Variants in TGFBR3 observed in about 807,000 individuals in gnomAD.
The protein encoded by TGFBR3 is transforming growth factor beta receptor 3, also known as transforming growth factor beta receptor type 3.
A neutral mutation model predicts 87.9 loss-of-function variants in TGFBR3; 46 were observed. The observed-to-expected ratio is 0.52, with a 90% CI of 0.41 to 0.67. TGFBR3 has a LOEUF of 0.67. Among genes scored for constraint, TGFBR3 ranks in the 30% least tolerant of loss-of-function variants. The pLI, the probability that TGFBR3 is intolerant of heterozygous loss-of-function variation, is 0.00. For missense variants in TGFBR3, 866 were observed against 1,041.9 expected (o/e 0.83, Z 2.32); for synonymous variants, 381 against 391.6 (o/e 0.97, Z 0.32).
intron 3 of TGFBR3, among the ~76,000 whole-genome samples, chr1:91,783,867 A>G (rs1674863289): frequency 6.6e-6 from 1 of 152,206 alleles, no homozygotes; most frequent in Admixed American, 6.5e-5. Flanking sequence ...TCTTTCAGTT[A>G]GAGGAATCAA....
intron 5 of TGFBR3, among the ~76,000 whole-genome samples, chr1:91,732,120 G>A (rs11578802): frequency 0.62 from 94,830 of 151,894 alleles, 30,548 homozygotes; most frequent in South Asian, 0.82. Flanking sequence ...AAATGACTTT[G>A]AGACACAGAA....
intron 2 of TGFBR3, among the ~76,000 whole-genome samples, chr1:91,835,998 AGCACTCTG>A (rs1677049158): frequency 6.6e-6 from 1 of 152,166 alleles, no homozygotes; most frequent in African/African-American, 2.4e-5. Context: ...CCGTAATCCC[AGCACTCTG>A]GGAGGCCAAG....
intron 2 of TGFBR3, among the ~76,000 whole-genome samples, chr1:91,844,356 T>A (rs1258274041): frequency 6.6e-6 from 1 of 152,210 alleles, no homozygotes; most frequent in Admixed American, 6.5e-5. Flanking sequence ...AAACAGAGGT[T>A]CTTAAACATA....
intron 2 of TGFBR3, among the ~76,000 whole-genome samples, chr1:91,837,506 C>T (rs911640037): frequency 6.6e-6 from 1 of 152,148 alleles, no homozygotes; most frequent in Non-Finnish European, 1.5e-5. Context: ...TCTCAAAGTG[C>T]TGGGATTACA....
chr1:91,809,476 C>G (rs963582821), intron 2 of TGFBR3, among the ~76,000 whole-genome samples: 4 of 152,134 alleles, frequency 2.6e-5, no homozygotes, highest in Non-Finnish European at 5.9e-5. Context: ...AGGGGGAAAC[C>G]ACAACTGCTG....
At chr1:91,761,819 C>G (rs1196126660) in intron 3 of TGFBR3, among the ~76,000 whole-genome samples, 1 of 151,882 alleles carries the variant, frequency 6.6e-6, no homozygotes, top group Non-Finnish European at 1.5e-5. Context: ...TCAATTATAG[C>G]TCAGGGTAGA....
At chr1:91,777,130 G>GC (rs1410150589) in intron 3 of TGFBR3, among the ~76,000 whole-genome samples, 2 of 152,224 alleles carry the variant, frequency 1.3e-5, no homozygotes, top group African/African-American at 4.8e-5. Context: ...GCAAGGAACT[G>GC]CTTCCAAGGC....
intron 1 of TGFBR3, among the ~76,000 whole-genome samples, chr1:91,870,016 A>G (rs564905095): frequency 6.6e-6 from 1 of 152,374 alleles, no homozygotes; most frequent in South Asian, 2.1e-4. Flanking sequence ...GAAAAGTGTT[A>G]TCCAAGAAAA....
chr1:91,732,582 T>C (rs1430343487), intron 5 of TGFBR3, among the ~76,000 whole-genome samples: 1 of 152,194 alleles, frequency 6.6e-6, no homozygotes, highest in Non-Finnish European at 1.5e-5. Flanking sequence ...TGAAGCTTGC[T>C]CAGTGCAGTC....
chr1:91,683,793 G>A lies in TGFBR3; in HGVS notation c.2502C>T (p.Ala834=). Residue 834 remains alanine (A), a synonymous_variant, in exon 17 of 17, where the codon GCC becomes GCT. Transcript: ENST00000212355. ...SPPASENSSA[A]HSIGSTQSTP... ...TGCTCTGCGTGCTGCCGATGCTGTGGGCAGCACTGCTGTTTTCCGAGGCTG... is the reference window on the plus strand; with the variant it reads ...TGCTCTGCGTGCTGCCGATGCTGTGAGCAGCACTGCTGTTTTCCGAGGCTG... 4 of 1,607,960 alleles carry A rather than the reference G, an allele frequency of 2.5e-6. No individual in the cohort carries two copies. The highest frequency in any genetic ancestry group is 3.4e-6 in the Non-Finnish European group (4 of 1,178,000).
intron 2 of TGFBR3, among the ~76,000 whole-genome samples, chr1:91,898,198 C>T (rs1355827448): frequency 6.6e-6 from 1 of 152,136 alleles, no homozygotes; most frequent in Non-Finnish European, 1.5e-5. Flanking sequence ...GAGGTAACCA[C>T]TTTCAGGAAT....
chr1:91,722,988 A>G (rs1286911767), intron 7 of TGFBR3, among the ~76,000 whole-genome samples: 2 of 152,220 alleles, frequency 1.3e-5, no homozygotes, highest in East Asian at 3.8e-4. Context: ...ATAAACTATT[A>G]AATTCCACAT....
chr1:91,720,292 T>C lies in TGFBR3; in HGVS notation c.1076-62A>G, dbSNP rs1251028606. 1.9e-5 allele frequency: 27 copies of C among 1,458,654 alleles called. No individual in the cohort carries two copies. The East Asian group carries it at 6.2e-4, about 33-fold the overall frequency. 90.4% of individuals were successfully genotyped at this position (1,458,654 alleles called of 1,614,324 possible). A position where few individuals can be genotyped will look rare whatever the true frequency, so the allele number is the denominator to read the frequency against. On this transcript the variant is annotated intron_variant, in intron 8 of 16. Transcript: ENST00000212355. ...GATGCCAGGCCACAACCAACATCAT[T>C]ACAGGCAGAACAGGAGGAATTAGCA...
intron 5 of TGFBR3, among the ~76,000 whole-genome samples, chr1:91,733,952 T>C (rs12074859): frequency 0.63 from 94,561 of 150,726 alleles, 30,555 homozygotes; most frequent in South Asian, 0.82. Context: ...GGAGAATCAC[T>C]TGAGCCCTGC....
intron 4 of TGFBR3, among the ~76,000 whole-genome samples, chr1:91,738,851 T>A (rs1423424290): frequency 2.0e-5 from 3 of 152,040 alleles, no homozygotes; most frequent in Non-Finnish European, 4.4e-5. Context: ...ACAGAAAAAA[T>A]TCCCTGCCCT....
intron 4 of TGFBR3, among the ~76,000 whole-genome samples, chr1:91,747,698 C>T (rs28406383): frequency 0.16 from 23,907 of 152,118 alleles, 2,008 homozygotes; most frequent in East Asian, 0.25. Flanking sequence ...ATTTTGTAGA[C>T]GCAATTAAAC....
chr1:91,704,176 G>C (rs139979168), intron 14 of TGFBR3, among the ~76,000 whole-genome samples: 3,752 of 151,606 alleles, frequency 0.025, 141 homozygotes, highest in African/African-American at 0.085. Flanking sequence ...AAAAATACAA[G>C]AATTAGCTGG....
chr1:91,727,228 C>T (rs1672581633), intron 7 of TGFBR3, among the ~76,000 whole-genome samples: 1 of 152,216 alleles, frequency 6.6e-6, no homozygotes, highest in African/African-American at 2.4e-5. Context: ...CCTAATAGTC[C>T]ATACTTTCTC....
intron 2 of TGFBR3, among the ~76,000 whole-genome samples, chr1:91,812,523 C>T (rs553832641): frequency 5.9e-5 from 9 of 152,258 alleles, no homozygotes; most frequent in African/African-American, 2.2e-4. Context: ...TGTAGGGCTG[C>T]CATTATGAAT....
Sources: gnomAD v4.1 joint callset for allele counts (sites outside exome capture counted in the v4.1 genomes callset) on GRCh38, gnomAD v4.1.1 for gene constraint, MANE v1.5 for transcripts, NCBI Gene and HGNC (gene_info 2026-07-23, HGNC 2026-07-21) for gene names.